Variants in NCOR1 observed in about 807,000 individuals in gnomAD.
NCOR1 encodes the protein protein phosphatase 1, regulatory subunit 109.
NCOR1 carries 63 observed loss-of-function variants against 288.1 expected under a neutral mutation model. The observed-to-expected ratio is 0.22, with a 90% CI of 0.18 to 0.27. NCOR1 has a LOEUF of 0.27. Among genes scored for constraint, NCOR1 ranks in the 10% least tolerant of loss-of-function variants. The pLI is 1.00. For synonymous variants in NCOR1, 1,007 were observed against 1,065.9 expected, an observed-to-expected ratio of 0.94 and a Z score of 1.08; for missense variants, 2,397 against 3,019.2, an observed-to-expected ratio of 0.79 and a Z score of 4.83.
Position 16,058,730 on chromosome 17 carries a change from T to G in NCOR1, c.5882-131A>C, listed in dbSNP as rs112205421. On this transcript the variant is annotated intron_variant, in intron 37 of 45. Coordinates refer to ENST00000268712, the MANE Select transcript of NCOR1 (RefSeq NM_006311.4). Reference sequence around the variant, plus strand: ...AAAGGTATTCCAGGTTAATGAGGGTTTTCTGAAGTTTTATGGGCTTTAAGA... The same window carrying G: ...AAAGGTATTCCAGGTTAATGAGGGTGTTCTGAAGTTTTATGGGCTTTAAGA... 2,901 of 936,046 alleles carry G rather than the reference T, an allele frequency of 3.1e-3. 9 individuals are homozygous for G. The highest frequency in any genetic ancestry group is 3.7e-3 in the Non-Finnish European group (2,413 of 650,814). The allele number at this position is 936,046 out of a possible 1,614,324, so 58.0% of individuals were successfully genotyped here.
chr17:16,099,837 A>G (rs191442131), intron 20 of NCOR1, among the ~76,000 whole-genome samples: 1 of 152,314 alleles, frequency 6.6e-6, no homozygotes, highest in Admixed American at 6.5e-5. Context: ...CAGAACACCT[A>G]TTTTATTTCA....
At chr17:16,201,057 G>A (rs2090727878) in intron 1 of NCOR1, among the ~76,000 whole-genome samples, 1 of 152,008 alleles carries the variant, frequency 6.6e-6, no homozygotes, top group Non-Finnish European at 1.5e-5. Flanking sequence ...TTCCCTTTGG[G>A]GGGAAAAAAA....
intron 16 of NCOR1, among the ~76,000 whole-genome samples, chr17:16,120,058 A>G (rs1568144543): frequency 6.6e-6 from 1 of 152,178 alleles, no homozygotes; most frequent in Non-Finnish European, 1.5e-5. Context: ...TCCCTTTCTC[A>G]ATTTATAGTA....
At chr17:16,049,245 T>G in intron 40 of NCOR1, 2 of 248,924 alleles carry the variant, frequency 8.0e-6, no homozygotes, top group Non-Finnish European at 1.5e-5. Flanking sequence ...CAGACAGTGC[T>G]GCCCGGGCAG....
chr17:16,170,107 C>CTGTGTGTGTGTGTGTGTGTGTGTGTG (rs61345864), intron 4 of NCOR1, among the ~76,000 whole-genome samples: 2 of 147,580 alleles, frequency 1.4e-5, no homozygotes, highest in African/African-American at 5.0e-5. Flanking sequence ...TATTTGCTTT[C>CTGTGTGTGTGTGTGTGTGTGTGTGTG]TGTGTGTGTG....
chr17:16,164,801 T>A (rs1449151412), intron 5 of NCOR1, 178 bp downstream of exon 5: 2 of 487,840 alleles, frequency 4.1e-6, no homozygotes, highest in Non-Finnish European at 7.2e-6. Flanking sequence ...AATCAGACAG[T>A]GCAGCAAGGA....
chr17:16,128,557 G>C (rs1438574259), intron 14 of NCOR1, among the ~76,000 whole-genome samples: 1 of 152,068 alleles, frequency 6.6e-6, no homozygotes, highest in Non-Finnish European at 1.5e-5. Flanking sequence ...TGCATATGTT[G>C]GATAAAACAA....
intron 21 of NCOR1, among the ~76,000 whole-genome samples, chr17:16,096,924 A>G (rs2066734345): frequency 6.6e-6 from 1 of 152,262 alleles, no homozygotes; most frequent in African/African-American, 2.4e-5. Flanking sequence ...TGATATACAG[A>G]TACAATGGAG....
chr17:16,192,163 A>C (rs1156961581), intron 2 of NCOR1: 2 of 151,866 alleles, frequency 1.3e-5, no homozygotes, highest in African/African-American at 2.4e-5. Flanking sequence ...TAAAAAAAAA[A>C]AAAAAACCCA....
At chr17:16,092,684 TATATA>T (rs2065541697) in intron 21 of NCOR1, among the ~76,000 whole-genome samples, 7 of 18,166 alleles carry the variant, frequency 3.9e-4, no homozygotes, top group African/African-American at 8.1e-4. Flanking sequence ...TATATATATA[TATATA>T]TATATATTTT....
chr17:16,204,732 T>G (rs1172192286), intron 1 of NCOR1, among the ~76,000 whole-genome samples: 1 of 152,224 alleles, frequency 6.6e-6, no homozygotes, highest in African/African-American at 2.4e-5. Flanking sequence ...TAACATTTAT[T>G]ATTTACTTAC....
chr17:16,051,021 T>G (rs1391914182), intron 40 of NCOR1, among the ~76,000 whole-genome samples: 1 of 152,042 alleles, frequency 6.6e-6, no homozygotes, highest in Non-Finnish European at 1.5e-5. Flanking sequence ...AGTTTTTTTG[T>G]GGAGATGGGG....
intron 18 of NCOR1, among the ~76,000 whole-genome samples, 157 bp downstream of exon 18, chr17:16,117,731 G>A (rs1338020109): frequency 2.0e-5 from 3 of 152,154 alleles, no homozygotes; most frequent in Admixed American, 2.0e-4. Context: ...GCTGAGGCAG[G>A]AAATTGCTTG....
chr17:16,185,222 G>A (rs2086390680), intron 3 of NCOR1, among the ~76,000 whole-genome samples: 1 of 152,040 alleles, frequency 6.6e-6, no homozygotes, highest in African/African-American at 2.4e-5. Context: ...TGATAAATGA[G>A]TAGATTTTAG....
intron 5 of NCOR1, among the ~76,000 whole-genome samples, chr17:16,161,003 TA>T (rs982998465): frequency 6.6e-6 from 1 of 152,140 alleles, no homozygotes; most frequent in African/African-American, 2.4e-5. Context: ...TTTGGAATTA[TA>T]AGTACTCTTG....
intron 20 of NCOR1, among the ~76,000 whole-genome samples, chr17:16,100,392 G>A (rs1485727754): frequency 3.3e-5 from 5 of 152,266 alleles, no homozygotes; most frequent in Admixed American, 6.5e-5. Flanking sequence ...TGTAATTCCA[G>A]CACTTTGGGA....
rs771540080 is a variant in NCOR1, at chr17:16,032,353, T to C, written c.7266A>G (p.Arg2422=). The C allele has an allele frequency of 2.0e-5, 32 of 1,614,086 alleles. No homozygotes were observed. The South Asian group carries it at 3.4e-4, about 17-fold the overall frequency. Residue 2422 remains arginine, a synonymous_variant, in exon 46 of 46, where the codon CGA becomes CGG. Coordinates refer to ENST00000268712, the MANE Select transcript of NCOR1 (RefSeq NM_006311.4). The part of the protein sequence containing the change: ...APHQQNRIWE[R]EPAPLLSAQY... ...GTGCTGAGAGCAGTGGGGCAGGCTC[T>C]CGCTCCCAGATCCTGTTCTGTTGGT...
chr17:16,146,606 C>T (rs1191838198), intron 9 of NCOR1, 58 bp from the exon 10 acceptor site: 65 of 1,394,248 alleles, frequency 4.7e-5, no homozygotes, highest in Non-Finnish European at 6.2e-5. Flanking sequence ...TTCTGACAAA[C>T]CTAATACTTT....
At chr17:16,071,375 C>A in intron 30 of NCOR1, 34 bp downstream of exon 30, 1 of 1,590,792 alleles carries the variant, frequency 6.3e-7, no homozygotes, top group South Asian at 1.1e-5. Context: ...CCATAAATAT[C>A]AGTTACTGAC....
Sources: allele counts gnomAD v4.1 joint callset (sites outside exome capture counted in the v4.1 genomes callset), GRCh38; gene constraint gnomAD v4.1.1; transcripts MANE v1.5; gene names NCBI Gene and HGNC (gene_info 2026-07-23, HGNC 2026-07-21).